Variants in NOX4 observed in about 807,000 individuals in gnomAD.
The protein encoded by NOX4 is kidney oxidase-1.
A neutral mutation model predicts 87.6 loss-of-function variants in NOX4; 69 were observed. The ratio of observed to expected loss-of-function variants is 0.79; its 90% CI spans 0.65 to 0.96. The LOEUF (loss-of-function observed/expected upper bound fraction) is 0.96. Ranked by LOEUF, NOX4 falls within the 40% of genes least tolerant of loss-of-function variation. The pLI is 0.00. For missense variants in NOX4, 680 were observed against 681.5 expected (o/e 1.00, Z 0.02); for synonymous variants, 275 against 238.2 (o/e 1.15, Z -1.42).
In NOX4 at chr11:89,325,316, G is replaced by A. The variant is rs996595862; in HGVS notation, c.*1440C>T. 1.3e-5 allele frequency: 2 copies of A among 151,844 alleles called. No homozygotes were observed. Among genetic ancestry groups the A allele is most frequent in the African/African-American group, 4.8e-5 (2 of 41,346 alleles). 9.4% of individuals were successfully genotyped at this position (151,844 alleles called of 1,614,324 possible). ...TATTTGTATTTTTAGTAGCGATGGG[G>A]TTTCACCAACTTGGTCAGGCTGGTC... On this transcript the variant is annotated 3_prime_UTR_variant, in exon 18 of 18. Transcript: ENST00000263317.
At chr11:89,571,481 G>C in the NOX4 span, among the ~76,000 whole-genome samples, 1 of 151,978 alleles carries the variant, frequency 6.6e-6, no homozygotes, top group Non-Finnish European at 1.5e-5. Context: ...ATTTGTAGTA[G>C]AGACGGCATT....
the NOX4 span, among the ~76,000 whole-genome samples, chr11:89,570,112 A>C: frequency 6.6e-6 from 1 of 152,232 alleles, no homozygotes; most frequent in Non-Finnish European, 1.5e-5. Flanking sequence ...GTAGACACTC[A>C]TCAGTGCTGA....
chr11:89,504,028 C>T, the NOX4 span, among the ~76,000 whole-genome samples: 24 of 151,346 alleles, frequency 1.6e-4, no homozygotes, highest in African/African-American at 5.8e-4. Flanking sequence ...GTATGCAATG[C>T]TGTGGGGTAC....
intron 2 of NOX4, among the ~76,000 whole-genome samples, chr11:89,455,566 C>A (rs1945155994): frequency 6.6e-6 from 1 of 152,060 alleles, no homozygotes; most frequent in Non-Finnish European, 1.5e-5. Flanking sequence ...TTACAACTCT[C>A]AAGTTTGTTC....
intron 11 of NOX4, among the ~76,000 whole-genome samples, chr11:89,398,302 T>C (rs1941622668): frequency 6.6e-6 from 1 of 152,048 alleles, no homozygotes; most frequent in Admixed American, 6.6e-5. Flanking sequence ...AACTAGATAT[T>C]GATGGAACGT....
At chr11:89,536,205 G>A in the NOX4 span, among the ~76,000 whole-genome samples, 1 of 137,642 alleles carries the variant, frequency 7.3e-6, no homozygotes, top group African/African-American at 2.8e-5. Context: ...GGTGTGCAGT[G>A]GCGCGATCTC....
chr11:89,416,622 T>C (rs570632935), intron 8 of NOX4, among the ~76,000 whole-genome samples: 5 of 152,288 alleles, frequency 3.3e-5, no homozygotes, highest in African/African-American at 7.2e-5. Context: ...CTGGTTAACA[T>C]CTTGAGTCTA....
At chr11:89,572,087 A>G in the NOX4 span, among the ~76,000 whole-genome samples, 1 of 152,200 alleles carries the variant, frequency 6.6e-6, no homozygotes, top group Admixed American at 6.5e-5. Context: ...AATGTTACAC[A>G]TATTAATTGA....
chr11:89,492,601 GT>G (rs1488916135), upstream of NOX4, among the ~76,000 whole-genome samples: 19 of 152,144 alleles, frequency 1.2e-4, no homozygotes, highest in Non-Finnish European at 7.3e-5. Flanking sequence ...CTAATAGCCT[GT>G]TTTTCCTGTT....
At chr11:89,566,917 T>C in the NOX4 span, among the ~76,000 whole-genome samples, 92 of 152,210 alleles carry the variant, frequency 6.0e-4, 2 homozygotes, top group Non-Finnish European at 2.4e-4. Context: ...GTGACCTCCA[T>C]ATACATCCGA....
At chr11:89,449,006 G>C (rs1338364875) in intron 4 of NOX4, among the ~76,000 whole-genome samples, 1 of 152,056 alleles carries the variant, frequency 6.6e-6, no homozygotes, top group Non-Finnish European at 1.5e-5. Flanking sequence ...CTTACTTTCA[G>C]GAAATAGTCA....
intron 2 of NOX4, among the ~76,000 whole-genome samples, chr11:89,469,593 T>C (rs1355126992): frequency 1.3e-5 from 2 of 152,182 alleles, no homozygotes; most frequent in Admixed American, 1.3e-4. Context: ...ACCTTCTTTT[T>C]GCCCTGTTTA....
the NOX4 span, among the ~76,000 whole-genome samples, chr11:89,525,923 T>C: frequency 3.3e-5 from 5 of 152,264 alleles, no homozygotes; most frequent in East Asian, 3.9e-4. Flanking sequence ...TTCATCTTTT[T>C]CCCATATCAA....
intron 2 of NOX4, among the ~76,000 whole-genome samples, chr11:89,472,426 T>C (rs1236529353): frequency 6.6e-6 from 1 of 151,158 alleles, no homozygotes; most frequent in African/African-American, 2.4e-5. Flanking sequence ...AAAGGTGTAA[T>C]TTTTTTTTCA....
intron 6 of NOX4, among the ~76,000 whole-genome samples, chr11:89,435,682 C>T (rs1183242256): frequency 6.6e-6 from 1 of 151,948 alleles, no homozygotes; most frequent in Non-Finnish European, 1.5e-5. Flanking sequence ...TAGTTTACTT[C>T]AGTCATTTGA....
At chr11:89,447,868 A>T (rs1944776234) in intron 4 of NOX4, among the ~76,000 whole-genome samples, 1 of 152,064 alleles carries the variant, frequency 6.6e-6, no homozygotes, top group Non-Finnish European at 1.5e-5. Context: ...GCCTCTCCCC[A>T]TCTAACACCT....
intron 6 of NOX4, 54 bp from the exon 7 acceptor site, chr11:89,432,910 A>G (rs1943883908): frequency 2.5e-6 from 3 of 1,193,240 alleles, no homozygotes; most frequent in Admixed American, 1.8e-5. Context: ...AGAAAAAAAT[A>G]CAAAAAATGA....
At chr11:89,365,116 C>T (rs1938854025) in intron 12 of NOX4, among the ~76,000 whole-genome samples, 1 of 151,954 alleles carries the variant, frequency 6.6e-6, no homozygotes, top group Non-Finnish European at 1.5e-5. Context: ...GGGTCATATG[C>T]CATCTGCATG....
intron 7 of NOX4, among the ~76,000 whole-genome samples, chr11:89,425,754 C>T (rs1244136042): frequency 6.6e-6 from 1 of 151,858 alleles, no homozygotes; most frequent in Non-Finnish European, 1.5e-5. Context: ...AGTGAGTAGA[C>T]TTGTGAAATT....
Sources: allele counts gnomAD v4.1 joint callset (sites outside exome capture counted in the v4.1 genomes callset), GRCh38; gene constraint gnomAD v4.1.1; transcripts MANE v1.5; gene names NCBI Gene and HGNC (gene_info 2026-07-23, HGNC 2026-07-21).